The following CD226 variants were observed in gnomAD, a reference collection of about 807,000 sequenced individuals.
CD226 encodes CD226 antigen.
In CD226, 24 loss-of-function variants were observed where a neutral mutation model predicts 34.9. That is an observed-to-expected ratio of 0.69 (90% CI 0.50 to 0.97). CD226 has a LOEUF of 0.97. CD226 is among the 50% of genes least tolerant of loss of function. CD226 has a pLI of 0.00. For missense variants in CD226, 397 were observed against 412.7 expected, an observed-to-expected ratio of 0.96 and a Z score of 0.33; for synonymous variants, 148 against 147.4, an observed-to-expected ratio of 1.00 and a Z score of -0.03.
At chr18:69,936,056 GGAGGTA>G (rs750120645) in intron 2 of CD226, among the ~76,000 whole-genome samples, 9 of 152,170 alleles carry the variant, frequency 5.9e-5, no homozygotes, top group Non-Finnish European at 1.0e-4. Context: ...AGGAGGTGAA[GGAGGTA>G]GAGAGAAACC....
rs1044032474 is a variant in CD226, at chr18:69,859,926, G to A, written c.*4388C>T. The A allele has an allele frequency of 8.5e-5, 13 of 152,280 alleles. No homozygotes were observed. The highest frequency in any genetic ancestry group is 3.4e-3 in the Middle Eastern group (1 of 294). The allele number at this position is 152,280 out of a possible 1,614,324, so 9.4% of individuals were successfully genotyped here. A position where few individuals can be genotyped will look rare whatever the true frequency, so the allele number is the denominator to read the frequency against. ...CGTCTCCACTAAAAATACAAAATTA[G>A]CCAGGCATGTTGGCATATGCCTGTA... On this transcript the variant is annotated 3_prime_UTR_variant, in exon 6 of 6. Coordinates refer to ENST00000582621, the MANE Select transcript of CD226 (RefSeq NM_001303618.2).
chr18:69,889,487 TAA>T (rs11452379), intron 3 of CD226, among the ~76,000 whole-genome samples: 208 of 147,422 alleles, frequency 1.4e-3, no homozygotes, highest in East Asian at 4.9e-3. Context: ...ATGGAATCCT[TAA>T]AAAAAAAAAA....
intron 2 of CD226, among the ~76,000 whole-genome samples, chr18:69,902,829 C>T (rs1036196437): frequency 6.6e-6 from 1 of 152,078 alleles, no homozygotes; most frequent in Non-Finnish European, 1.5e-5. Flanking sequence ...TATTATTACA[C>T]TAGCTAATTA....
chr18:69,873,642 A>C (rs568503058), intron 3 of CD226, among the ~76,000 whole-genome samples: 100 of 151,940 alleles, frequency 6.6e-4, no homozygotes, highest in Non-Finnish European at 1.0e-3. Context: ...GGTTTAGGAG[A>C]GGGGATCACT....
chr18:69,879,514 C>T (rs2145204681), intron 3 of CD226, among the ~76,000 whole-genome samples: 1 of 151,484 alleles, frequency 6.6e-6, no homozygotes, highest in East Asian at 1.9e-4. Context: ...GACTGGCCTA[C>T]AGGCAGCCAG....
chr18:69,940,071 A>G (rs2055704428), intron 2 of CD226, among the ~76,000 whole-genome samples: 1 of 152,144 alleles, frequency 6.6e-6, no homozygotes, highest in Non-Finnish European at 1.5e-5. Flanking sequence ...TTCTCATGAT[A>G]GTGAGTTAGT....
rs143737056 is a variant in CD226 at position 69,884,743 on chromosome 18, A to G, written c.727+10958T>C. On this transcript the variant is annotated intron_variant, in intron 3 of 5. Transcript: ENST00000582621. ...AAGCCAATTATTAGCTAACACACACAGTCATCCCCAATTACCAGTTGAATC... is the reference window on the plus strand; with the variant it reads ...AAGCCAATTATTAGCTAACACACACGGTCATCCCCAATTACCAGTTGAATC... Among the ~76,000 whole-genome samples the G allele has an allele frequency of 2.7e-3, 413 of 152,346 alleles. 3 individuals are homozygous for G. Among genetic ancestry groups the G allele is most frequent in the African/African-American group, 9.2e-3 (383 of 41,570 alleles).
rs3214811 is a variant in CD226, at chr18:69,947,438, T to TAA, written c.-34_-33dup. 0.032 allele frequency: 32,306 copies of TAA among 1,011,556 alleles called. 1 individual carries two copies. The highest frequency in any genetic ancestry group is 0.037 in the Non-Finnish European group (26,346 of 712,016). The allele number at this position is 1,011,556 out of a possible 1,614,324, so 62.7% of individuals were successfully genotyped here. On this transcript the variant is annotated 5_prime_UTR_variant, in exon 1 of 6. An upstream open reading frame in the 5' UTR gains an earlier in-frame stop. Coordinates refer to ENST00000582621, the MANE Select transcript of CD226 (RefSeq NM_001303618.2). ...AAACTGTTTGAAAGGCTGGTTCTAT[T>TAA]AAAAAAAAAAATTGCTTTTTATAAT...
intron 2 of CD226, among the ~76,000 whole-genome samples, chr18:69,930,739 A>G (rs2055579021): frequency 6.6e-6 from 1 of 152,222 alleles, no homozygotes; most frequent in Non-Finnish European, 1.5e-5. Context: ...AAAATCCTTG[A>G]GTAGTTCTAA....
intron 3 of CD226, among the ~76,000 whole-genome samples, chr18:69,887,699 GTTAA>G (rs1353057471): frequency 6.6e-6 from 1 of 152,142 alleles, no homozygotes; most frequent in Non-Finnish European, 1.5e-5. Context: ...CTCCCTGTGA[GTTAA>G]TTAATTAAAA....
At chr18:69,945,922 A>G (rs918303883) in intron 2 of CD226, among the ~76,000 whole-genome samples, 20 of 152,030 alleles carry the variant, frequency 1.3e-4, no homozygotes, top group African/African-American at 4.8e-4. Context: ...TCTTTTTTAA[A>G]CCATCAGATC....
At chr18:69,930,008 T>C (rs1427132553) in intron 2 of CD226, among the ~76,000 whole-genome samples, 1 of 152,088 alleles carries the variant, frequency 6.6e-6, no homozygotes, top group Non-Finnish European at 1.5e-5. Context: ...CTGGCATCTC[T>C]CCTCTGCACC....
upstream of CD226, among the ~76,000 whole-genome samples, chr18:69,957,475 G>C (rs1213825673): frequency 6.6e-6 from 1 of 151,980 alleles, no homozygotes; most frequent in Non-Finnish European, 1.5e-5. Context: ...TGCTGCACCA[G>C]GCCATGGCAA....
chr18:69,948,544 G>A (rs751944102), upstream of CD226, among the ~76,000 whole-genome samples: 4 of 152,194 alleles, frequency 2.6e-5, no homozygotes, highest in Middle Eastern at 3.4e-3. Flanking sequence ...TATCTAATGT[G>A]GGAACTTTCT....
intron 5 of CD226, among the ~76,000 whole-genome samples, chr18:69,864,742 A>C (rs1983032311): frequency 6.6e-6 from 1 of 152,200 alleles, no homozygotes. Flanking sequence ...TATCATTTTT[A>C]TATGGAAATT....
At chr18:69,880,349 A>AAGGAAGGAAGG (rs1568164911) in intron 3 of CD226, among the ~76,000 whole-genome samples, 2 of 80,260 alleles carry the variant, frequency 2.5e-5, no homozygotes, top group African/African-American at 8.5e-5. Flanking sequence ...AGAAAGAAAG[A>AAGGAAGGAAGG]AAGAAAGAAA....
At chr18:69,949,160 C>T (rs2055825510), upstream of CD226, among the ~76,000 whole-genome samples, 1 of 152,042 alleles carries the variant, frequency 6.6e-6, no homozygotes, top group Admixed American at 6.6e-5. Flanking sequence ...AATCAGAAAC[C>T]GCGGCGTCAT....
At chr18:69,961,336 T>C (rs1410396723), upstream of CD226, among the ~76,000 whole-genome samples, 1 of 152,224 alleles carries the variant, frequency 6.6e-6, no homozygotes, top group African/African-American at 2.4e-5. Flanking sequence ...GCATCAAAAA[T>C]ATTTTTTTAG....
At chr18:69,936,340 A>C (rs563109416) in intron 2 of CD226, among the ~76,000 whole-genome samples, 1 of 152,314 alleles carries the variant, frequency 6.6e-6, no homozygotes, top group South Asian at 2.1e-4. Context: ...CAGGGAAAGC[A>C]CGTGGATAAA....
Sources: gnomAD v4.1 joint callset for allele counts (sites outside exome capture counted in the v4.1 genomes callset) on GRCh38, gnomAD v4.1.1 for gene constraint, MANE v1.5 for transcripts, NCBI Gene and HGNC (gene_info 2026-07-23, HGNC 2026-07-21) for gene names.